MDH1B: variants seen among roughly 807,000 people sequenced by gnomAD.
The protein encoded by MDH1B is putative malate dehydrogenase 1B.
In MDH1B, 60 loss-of-function variants were observed where a neutral mutation model predicts 61.4. The observed-to-expected ratio is 0.98, with a 90% CI of 0.79 to 1.21. The LOEUF is 1.21. Among genes scored for constraint, MDH1B ranks in the 50% most tolerant of loss-of-function variants. The pLI is 0.00. For missense variants in MDH1B, 587 were observed against 632.1 expected, an observed-to-expected ratio of 0.93 and a Z score of 0.76; for synonymous variants, 236 against 218.7, an observed-to-expected ratio of 1.08 and a Z score of -0.70.
In MDH1B at chr2:206,755,461, C is replaced by G; in HGVS notation, c.458G>C (p.Ser153Thr). 2 of 1,614,040 alleles carry G rather than the reference C, an allele frequency of 1.2e-6. No individual in the cohort carries two copies. Among genetic ancestry groups the G allele is most frequent in the Non-Finnish European group, 1.7e-6 (2 of 1,179,944 alleles). Residue 153 changes from serine (S) to threonine (T), a missense_variant, in exon 5 of 12, where the codon AGT becomes ACT. Transcript: ENST00000374412. ...TGTATGCATCCCAAACACTTCGCCACTCGTCAATATGGGAATTAGGTTGTA... is the reference window on the plus strand; with the variant it reads ...TGTATGCATCCCAAACACTTCGCCAGTCGTCAATATGGGAATTAGGTTGTA... The part of the protein sequence containing the change: ...ACYNLIPILT[S>T]GEVFGMHTEI...
intron 7 of MDH1B, among the ~76,000 whole-genome samples, chr2:206,746,773 G>A (rs1574627756): frequency 6.6e-6 from 1 of 152,086 alleles, no homozygotes. Context: ...TGTCCATCTG[G>A]CCTTCCACTC....
intron 5 of MDH1B, among the ~76,000 whole-genome samples, chr2:206,752,694 T>C (rs1353544528): frequency 6.6e-6 from 1 of 152,142 alleles, no homozygotes; most frequent in African/African-American, 2.4e-5. Context: ...TCTTATCAGC[T>C]TTGAGGCCCT....
intron 1 of MDH1B, among the ~76,000 whole-genome samples, chr2:206,762,938 A>G (rs573454690): frequency 3.3e-5 from 5 of 152,280 alleles, no homozygotes; most frequent in African/African-American, 1.2e-4. Context: ...ACCCATTAAA[A>G]GGTATCATTC....
At chr2:206,754,584 C>T (rs769902630) in intron 5 of MDH1B, among the ~76,000 whole-genome samples, 6 of 152,180 alleles carry the variant, frequency 3.9e-5, no homozygotes, top group Non-Finnish European at 7.3e-5. Context: ...TTAACGTCCT[C>T]ATTTTACAGA....
At chr2:206,738,703 T>C (rs1687636100) in intron 11 of MDH1B, among the ~76,000 whole-genome samples, 192 bp from the exon 12 acceptor site, 1 of 152,192 alleles carries the variant, frequency 6.6e-6, no homozygotes, top group South Asian at 2.1e-4. Context: ...ATAGCAAAAC[T>C]AATTGTGGCC....
rs1203932357 is a variant in MDH1B, at chr2:206,739,639, A to G, written c.1482T>C (p.Ile494=). The G allele has an allele frequency of 6.2e-7, 1 of 1,613,924 alleles. No individual in the cohort carries two copies. Among genetic ancestry groups the G allele is most frequent in the Admixed American group, 1.7e-5 (1 of 59,980 alleles). ...MSDAAEFPNQ[I]PQTTFEKPQS... ...GTGGCTTTTCAAAGGTGGTTTGAGG[A>G]ATCTGATTTGGAAACTCTGCTGCTG... Residue 494 remains isoleucine, a synonymous_variant, in exon 11 of 12, where the codon ATT becomes ATC. Coordinates refer to ENST00000374412, the MANE Select transcript of MDH1B (RefSeq NM_001039845.3).
intron 2 of MDH1B, 92 bp from the exon 3 acceptor site, chr2:206,757,463 T>C: frequency 8.0e-7 from 1 of 1,251,654 alleles, no homozygotes; most frequent in South Asian, 1.4e-5. Context: ...AATACTAGGT[T>C]GCTTTTAATG....
In MDH1B at chr2:206,761,014, C is replaced by T. The variant is rs768665068; in HGVS notation, c.23-1G>A. On this transcript the variant is annotated splice_acceptor_variant, in intron 1 of 11. Transcript: ENST00000374412. LOFTEE classifies it high-confidence loss of function. ...GCATAATATGGACAATCTGCTCTAC[C>T]TAAAAGAGTTCAAATTAGCAATGTT... is the stretch of plus-strand genomic sequence containing the variant. 2 of 1,523,048 alleles carry T rather than the reference C, an allele frequency of 1.3e-6. No homozygotes were observed. The highest frequency in any genetic ancestry group is 1.8e-6 in the Non-Finnish European group (2 of 1,105,060). 94.3% of individuals were successfully genotyped at this position (1,523,048 alleles called of 1,614,324 possible).
At chr2:206,762,324 C>T (rs972832923) in intron 1 of MDH1B, among the ~76,000 whole-genome samples, 8 of 152,202 alleles carry the variant, frequency 5.3e-5, no homozygotes, top group African/African-American at 1.7e-4. Flanking sequence ...TCTCCAACCT[C>T]GTCCATCACA....
intron 6 of MDH1B, among the ~76,000 whole-genome samples, chr2:206,750,289 T>C (rs55782969): frequency 0.12 from 18,436 of 150,766 alleles, 1,638 homozygotes; most frequent in African/African-American, 0.26. Context: ...GAGTAATCCA[T>C]TTTATCTTCC....
chr2:206,761,767 AT>A (rs1422306503), intron 1 of MDH1B, among the ~76,000 whole-genome samples: 1 of 152,108 alleles, frequency 6.6e-6, no homozygotes, highest in Non-Finnish European at 1.5e-5. Context: ...AGCAGGAGGG[AT>A]GGGGAAAAAT....
intron 2 of MDH1B, among the ~76,000 whole-genome samples, chr2:206,758,237 G>T (rs1688874892): frequency 6.6e-6 from 1 of 152,190 alleles, no homozygotes; most frequent in African/African-American, 2.4e-5. Flanking sequence ...GGAGCTGCAA[G>T]GGCATGTACA....
chr2:206,753,495 C>A (rs938621880), intron 5 of MDH1B, among the ~76,000 whole-genome samples: 1 of 152,062 alleles, frequency 6.6e-6, no homozygotes, highest in Non-Finnish European at 1.5e-5. Flanking sequence ...GGAGTCCTGA[C>A]GAGCCAATAC....
At chr2:206,757,156 G>A (rs1559347052) in intron 3 of MDH1B, 81 bp downstream of exon 3, 1 of 1,522,542 alleles carries the variant, frequency 6.6e-7, no homozygotes, top group Non-Finnish European at 8.9e-7. Flanking sequence ...ATGAGAGAAT[G>A]TCTCAGAAAG....
chr2:206,749,580 C>T (rs1448283942), intron 6 of MDH1B, among the ~76,000 whole-genome samples: 2 of 152,126 alleles, frequency 1.3e-5, no homozygotes, highest in African/African-American at 2.4e-5. Flanking sequence ...TATCCCTTAG[C>T]CTAAATGCTT....
intron 9 of MDH1B, 78 bp from the exon 10 acceptor site, chr2:206,741,182 T>A (rs1478931397): frequency 2.5e-6 from 4 of 1,576,716 alleles, no homozygotes; most frequent in Non-Finnish European, 3.5e-6. Flanking sequence ...ATGTTCTGAG[T>A]CAATGTTTTT....
In MDH1B at chr2:206,754,256, CT is replaced by C. The variant is rs1475797435; in HGVS notation, c.910+752del. 4.6e-5 allele frequency among the ~76,000 whole-genome samples: 7 copies of C among 152,256 alleles called. No individual in the cohort carries two copies. The East Asian group carries it at 1.4e-3, about 29-fold the overall frequency. On this transcript the variant is annotated intron_variant, in intron 5 of 11. Coordinates refer to ENST00000374412, the MANE Select transcript of MDH1B (RefSeq NM_001039845.3). Reference sequence around the variant, plus strand: ...TTTCCAATTTTGCTTGAGAGAATGCCTGTCATCTCCTTCCCTTCTCAATGGA... The same window carrying C: ...TTTCCAATTTTGCTTGAGAGAATGCCGTCATCTCCTTCCCTTCTCAATGGA...
At chr2:206,745,026 A>C (rs1230566990) in intron 9 of MDH1B, among the ~76,000 whole-genome samples, 1 of 152,010 alleles carries the variant, frequency 6.6e-6, no homozygotes, top group Non-Finnish European at 1.5e-5. Flanking sequence ...GTCTTGGTGG[A>C]TATAATCAAT....
At chr2:206,749,598 G>A (rs967385803) in intron 6 of MDH1B, among the ~76,000 whole-genome samples, 4 of 152,174 alleles carry the variant, frequency 2.6e-5, no homozygotes, top group African/African-American at 9.7e-5. Context: ...CTTAGGACCA[G>A]AGTGTTCCAG....
Sources: gnomAD v4.1 joint callset for allele counts (sites outside exome capture counted in the v4.1 genomes callset) on GRCh38, gnomAD v4.1.1 for gene constraint, MANE v1.5 for transcripts, NCBI Gene and HGNC (gene_info 2026-07-23, HGNC 2026-07-21) for gene names.